JDP2: variants seen among roughly 807,000 people sequenced by gnomAD.
The protein encoded by JDP2 is progesterone receptor co-activator.
Under a neutral mutation model 17.1 loss-of-function variants are expected in JDP2, and 9 were observed. The observed-to-expected ratio is 0.53, with a 90% CI of 0.32 to 0.92. JDP2 has a LOEUF of 0.92. JDP2 is among the 40% of genes least tolerant of loss of function. The probability of loss-of-function intolerance (pLI) is 0.04; values close to 1 mark genes in which losing one functional copy is unlikely to be tolerated. For missense variants in JDP2, 179 were observed against 220.0 expected, an observed-to-expected ratio of 0.81 and a Z score of 1.18; for synonymous variants, 107 against 95.6, an observed-to-expected ratio of 1.12 and a Z score of -0.69.
chr14:75,462,732 T>A (rs998959202), intron 3 of JDP2, among the ~76,000 whole-genome samples: 1 of 152,050 alleles, frequency 6.6e-6, no homozygotes. Context: ...TGGCCTGGTG[T>A]TTTTGGACTC....
At chr14:75,434,039 T>C (rs574199854) in intron 1 of JDP2, among the ~76,000 whole-genome samples, 1 of 152,298 alleles carries the variant, frequency 6.6e-6, no homozygotes, top group South Asian at 2.1e-4. Flanking sequence ...GAACAACCAG[T>C]GTGGGAGATG....
intron 2 of JDP2, among the ~76,000 whole-genome samples, chr14:75,448,377 A>G (rs1488516171): frequency 6.6e-6 from 1 of 152,178 alleles, no homozygotes; most frequent in Non-Finnish European, 1.5e-5. Context: ...CCATGATGCA[A>G]TAAGCCCCCC....
intron 1 of JDP2, 68 bp from the exon 2 acceptor site, chr14:75,437,830 G>A (rs1885140804): frequency 7.3e-6 from 8 of 1,091,048 alleles, no homozygotes; most frequent in Non-Finnish European, 9.0e-6. Flanking sequence ...CTGGCAAGAC[G>A]AGGGACTTGA....
At chr14:75,451,191 A>G (rs1444666765) in intron 2 of JDP2, among the ~76,000 whole-genome samples, 1 of 151,862 alleles carries the variant, frequency 6.6e-6, no homozygotes. Flanking sequence ...ACTGGGCCAG[A>G]TTTGCATTTT....
At chr14:75,433,799 C>CT (rs1446607067) in intron 1 of JDP2, among the ~76,000 whole-genome samples, 1 of 152,084 alleles carries the variant, frequency 6.6e-6, no homozygotes, top group African/African-American at 2.4e-5. Context: ...CATTGCCAGT[C>CT]TTCTTGGATT....
intron 2 of JDP2, among the ~76,000 whole-genome samples, chr14:75,444,376 G>A (rs1282764179): frequency 1.3e-5 from 2 of 152,178 alleles, no homozygotes; most frequent in Non-Finnish European, 2.9e-5. Context: ...GTATTGACCT[G>A]AGGGTATTTT....
intron 2 of JDP2, among the ~76,000 whole-genome samples, chr14:75,453,681 C>A (rs573858804): frequency 1.8e-4 from 28 of 152,282 alleles, no homozygotes; most frequent in African/African-American, 6.5e-4. Flanking sequence ...AGTAACTTGC[C>A]CAGGAGCACA....
intron 3 of JDP2, 38 bp from the exon 4 acceptor site, chr14:75,469,252 C>G: frequency 1.3e-6 from 2 of 1,592,166 alleles, no homozygotes; most frequent in Non-Finnish European, 1.7e-6. Context: ...GAGCCAGTCC[C>G]CGTGAAACTC....
chr14:75,467,441 C>A (rs1292703040), intron 3 of JDP2, among the ~76,000 whole-genome samples: 1 of 152,184 alleles, frequency 6.6e-6, no homozygotes, highest in African/African-American at 2.4e-5. Flanking sequence ...GGAAAGGCCA[C>A]AAGAGCCAGT....
rs1380036834 is a variant in JDP2 at position 75,428,303 on chromosome 14, G to GGGCGC, written c.-24+59_-24+63dup. The GGGCGC allele has an allele frequency of 6.8e-6, 1 of 147,318 alleles. No individual in the cohort carries two copies. Among genetic ancestry groups the GGGCGC allele is most frequent in the Non-Finnish European group, 1.5e-5 (1 of 66,066 alleles). The allele number at this position is 147,318 out of a possible 1,614,324, so 9.1% of individuals were successfully genotyped here. ...GCGCCGGGACGGGCGGGGCGGGGCAGGGCGCGGCGCGGGCACCTGGGACGG... is the reference window on the plus strand; with the variant it reads ...GCGCCGGGACGGGCGGGGCGGGGCAGGGCGCGGCGCGGCGCGGGCACCTGGGACGG... On this transcript the variant is annotated intron_variant, in intron 1 of 3. Transcript: ENST00000651602. The surrounding 1 kb of genome is among the most constrained non-coding windows in gnomAD (Gnocchi z 5.6).
chr14:75,440,966 C>T (rs1385395166), intron 2 of JDP2, among the ~76,000 whole-genome samples: 1 of 152,244 alleles, frequency 6.6e-6, no homozygotes, highest in African/African-American at 2.4e-5. Flanking sequence ...TGTGGCCTCC[C>T]ATGCCTCTAT....
chr14:75,444,724 G>C (rs190684734), intron 2 of JDP2, among the ~76,000 whole-genome samples: 2 of 152,214 alleles, frequency 1.3e-5, no homozygotes, highest in East Asian at 3.8e-4. Flanking sequence ...CTGCAGTGCA[G>C]TATGTCCGTA....
At chr14:75,462,086 G>T (rs1367437134) in intron 3 of JDP2, among the ~76,000 whole-genome samples, 2 of 152,218 alleles carry the variant, frequency 1.3e-5, no homozygotes, top group African/African-American at 4.8e-5. Context: ...GGAATAAGAG[G>T]TCAGCTCTGC....
At chr14:75,464,583 G>C (rs1886491126) in intron 3 of JDP2, among the ~76,000 whole-genome samples, 1 of 152,200 alleles carries the variant, frequency 6.6e-6, no homozygotes, top group Non-Finnish European at 1.5e-5. Context: ...AGCATCCTCG[G>C]ATTTTGGTAT....
chr14:75,459,308 G>A (rs1036361211), intron 2 of JDP2, among the ~76,000 whole-genome samples: 1 of 152,240 alleles, frequency 6.6e-6, no homozygotes, highest in African/African-American at 2.4e-5. Flanking sequence ...TTTCAGCCAG[G>A]TTTCTATTTT....
intron 2 of JDP2, among the ~76,000 whole-genome samples, chr14:75,446,721 G>A (rs73301632): frequency 0.1 from 15,456 of 152,170 alleles, 1,812 homozygotes; most frequent in African/African-American, 0.28. Context: ...TGATGAAAGT[G>A]TTCTAAAATT....
chr14:75,445,468 C>G, intron 2 of JDP2: 15 of 985,414 alleles, frequency 1.5e-5, no homozygotes, highest in Non-Finnish European at 1.8e-5. Context: ...GTAGTCCTCC[C>G]TACACCCTAC....
intron 1 of JDP2, among the ~76,000 whole-genome samples, chr14:75,435,332 CAG>C (rs1411344773): frequency 6.6e-6 from 1 of 152,194 alleles, no homozygotes; most frequent in Non-Finnish European, 1.5e-5. Context: ...CGAGAGGTCT[CAG>C]GGGCTATTTC....
intron 2 of JDP2, among the ~76,000 whole-genome samples, chr14:75,442,003 A>C (rs1004298769): frequency 6.6e-6 from 1 of 150,562 alleles, no homozygotes; most frequent in African/African-American, 2.5e-5. Flanking sequence ...CTTACTAATC[A>C]ACCTGCTAGA....
Sources: gnomAD v4.1 joint callset for allele counts (sites outside exome capture counted in the v4.1 genomes callset) on GRCh38, gnomAD v4.1.1 for gene constraint, Gnocchi (gnomAD v3.1) non-coding constraint, MANE v1.5 for transcripts, NCBI Gene and HGNC (gene_info 2026-07-23, HGNC 2026-07-21) for gene names.